The following TRERF1 variants were observed in gnomAD, a reference collection of about 807,000 sequenced individuals.
TRERF1 encodes transcriptional-regulating factor 1.
A neutral mutation model predicts 122.9 loss-of-function variants in TRERF1; 27 were observed. That is an observed-to-expected ratio of 0.22 (90% CI 0.16 to 0.30). The LOEUF is 0.30. Ranked by LOEUF, TRERF1 falls within the 10% of genes least tolerant of loss-of-function variation. The pLI is 1.00. For synonymous variants in TRERF1, 636 were observed against 641.7 expected, an observed-to-expected ratio of 0.99 and a Z score of 0.13; for missense variants, 1,248 against 1,560.3, an observed-to-expected ratio of 0.80 and a Z score of 3.37.
At chr6:42,306,735 G>T (rs565041138) in intron 3 of TRERF1, among the ~76,000 whole-genome samples, 13 of 152,166 alleles carry the variant, frequency 8.5e-5, no homozygotes, top group African/African-American at 3.1e-4. Flanking sequence ...CATCTGTCAG[G>T]CTATAGCTTT....
At chr6:42,272,869 A>G (rs1780491380) in intron 4 of TRERF1, among the ~76,000 whole-genome samples, 2 of 152,066 alleles carry the variant, frequency 1.3e-5, no homozygotes, top group Admixed American at 6.5e-5. Context: ...CCCAGCTCAG[A>G]TGGTCTGAGA....
intron 3 of TRERF1, among the ~76,000 whole-genome samples, chr6:42,326,247 G>T (rs1191013865): frequency 6.9e-6 from 1 of 145,356 alleles, no homozygotes; most frequent in African/African-American, 2.8e-5. Context: ...GATGGAAGGG[G>T]TGACAGGGGC....
chr6:42,271,184 T>TA (rs761098527), intron 4 of TRERF1, among the ~76,000 whole-genome samples: 3,422 of 102,616 alleles, frequency 0.033, 123 homozygotes, highest in African/African-American at 0.099. Flanking sequence ...AAACTCCATC[T>TA]AAAAAAAAAA....
intron 2 of TRERF1, among the ~76,000 whole-genome samples, chr6:42,429,211 T>C (rs1288378476): frequency 1.3e-5 from 2 of 152,218 alleles, no homozygotes; most frequent in Non-Finnish European, 1.5e-5. Flanking sequence ...TTCTCTCTCC[T>C]TTCCTCTCCA....
chr6:42,433,122 A>T (rs779168162), intron 2 of TRERF1, among the ~76,000 whole-genome samples: 17 of 152,180 alleles, frequency 1.1e-4, no homozygotes, highest in Non-Finnish European at 1.5e-5. Context: ...CAGTGAGGTG[A>T]GCCATGTATT....
intron 14 of TRERF1, among the ~76,000 whole-genome samples, chr6:42,244,345 C>T (rs532767971): frequency 6.6e-4 from 100 of 152,168 alleles, no homozygotes; most frequent in African/African-American, 2.3e-3. Context: ...CCACCACGCC[C>T]AGTTAATTTT....
At chr6:42,326,707 C>T (rs544416979) in intron 3 of TRERF1, among the ~76,000 whole-genome samples, 9 of 152,184 alleles carry the variant, frequency 5.9e-5, no homozygotes, top group Non-Finnish European at 1.3e-4. Flanking sequence ...TTACCACAAG[C>T]TTGTTTTTAA....
At chr6:42,369,360 C>T (rs1773346074) in intron 2 of TRERF1, among the ~76,000 whole-genome samples, 1 of 152,152 alleles carries the variant, frequency 6.6e-6, no homozygotes. Flanking sequence ...ATGAGAATCG[C>T]TTGAACCTGG....
chr6:42,278,049 T>G (rs1275833519), intron 4 of TRERF1, among the ~76,000 whole-genome samples: 1 of 152,176 alleles, frequency 6.6e-6, no homozygotes, highest in African/African-American at 2.4e-5. Flanking sequence ...TCATTTGCCC[T>G]CTCTGGACTT....
At chr6:42,407,619 G>A (rs529060484) in intron 2 of TRERF1, among the ~76,000 whole-genome samples, 46 of 152,220 alleles carry the variant, frequency 3.0e-4, no homozygotes, top group African/African-American at 9.6e-4. Flanking sequence ...ACATGATAAC[G>A]TAGTGACTCA....
intron 10 of TRERF1, among the ~76,000 whole-genome samples, chr6:42,257,539 T>C (rs1049846263): frequency 1.3e-5 from 2 of 152,354 alleles, no homozygotes; most frequent in Admixed American, 1.3e-4. Context: ...AAGGCTGGAA[T>C]AATTACTCCC....
At chr6:42,352,682 A>G (rs1769694865) in intron 3 of TRERF1, among the ~76,000 whole-genome samples, 1 of 152,244 alleles carries the variant, frequency 6.6e-6, no homozygotes, top group African/African-American at 2.4e-5. Context: ...GAATCCTTTA[A>G]TATGTAAAGA....
intron 8 of TRERF1, among the ~76,000 whole-genome samples, chr6:42,262,430 G>GGT (rs1561853294): frequency 1.7e-5 from 1 of 57,160 alleles, no homozygotes; most frequent in Non-Finnish European, 3.5e-5. Context: ...AAATTCCCTA[G>GGT]GGGCAGAGAG....
In TRERF1 at chr6:42,263,615, A is replaced by G. The variant is rs1341805764; in HGVS notation, c.1636-47T>C. 1.4e-6 allele frequency: 2 copies of G among 1,441,344 alleles called. No homozygotes were observed. Among genetic ancestry groups the G allele is most frequent in the Non-Finnish European group, 1.8e-6 (2 of 1,091,808 alleles). The allele number at this position is 1,441,344 out of a possible 1,614,324, so 89.3% of individuals were successfully genotyped here. On this transcript the variant is annotated intron_variant, in intron 7 of 17. Coordinates refer to ENST00000372922, the Ensembl canonical transcript of TRERF1. The surrounding 1 kb of genome is among the most constrained non-coding windows in gnomAD (Gnocchi z 5.6). Reference sequence around the variant, plus strand: ...TGATCCTGGGCTGAGAGCAGCTCTCACAAGGGGGATGCACTTTGCTTTTCC... The same window carrying G: ...TGATCCTGGGCTGAGAGCAGCTCTCGCAAGGGGGATGCACTTTGCTTTTCC...
chr6:42,245,326 G>A (rs535440904), intron 14 of TRERF1, among the ~76,000 whole-genome samples: 59 of 152,316 alleles, frequency 3.9e-4, no homozygotes, highest in Non-Finnish European at 5.9e-4. Context: ...GAGGCGAGGC[G>A]GAGGCAAGTC....
At chr6:42,280,079 A>G (rs1046739474) in intron 4 of TRERF1, among the ~76,000 whole-genome samples, 13 of 152,062 alleles carry the variant, frequency 8.5e-5, no homozygotes, top group Non-Finnish European at 1.6e-4. Context: ...CCAGGTTATG[A>G]CGTCGGTGCC....
intron 2 of TRERF1, among the ~76,000 whole-genome samples, chr6:42,412,076 C>T (rs1463352985): frequency 6.7e-6 from 1 of 148,764 alleles, no homozygotes; most frequent in Non-Finnish European, 1.5e-5. Context: ...TCTCGGCTCA[C>T]CACAAACTCC....
intron 15 of TRERF1, among the ~76,000 whole-genome samples, chr6:42,240,938 G>GC (rs1554125191): frequency 6.6e-6 from 1 of 152,092 alleles, no homozygotes; most frequent in African/African-American, 2.4e-5. Context: ...TGTTGCCCAG[G>GC]CTGGAGTACG....
intron 4 of TRERF1, among the ~76,000 whole-genome samples, chr6:42,284,596 T>C (rs184420248): frequency 2.6e-5 from 4 of 152,322 alleles, no homozygotes; most frequent in Admixed American, 1.3e-4. Flanking sequence ...CTAATTTACA[T>C]AATTACAATA....
Sources: gnomAD v4.1 joint callset for allele counts (sites outside exome capture counted in the v4.1 genomes callset) on GRCh38, gnomAD v4.1.1 for gene constraint, Gnocchi (gnomAD v3.1) non-coding constraint, MANE v1.5 for transcripts, NCBI Gene and HGNC (gene_info 2026-07-23, HGNC 2026-07-21) for gene names.